The following POMK variants were observed in gnomAD, a reference collection of about 807,000 sequenced individuals.
POMK encodes the protein protein O-mannose kinase, also known as Sugen kinase 196.
POMK carries 19 observed loss-of-function variants against 23.0 expected under a neutral mutation model. The observed-to-expected ratio is 0.83, with a 90% confidence interval of 0.58 to 1.21. The LOEUF (loss-of-function observed/expected upper bound fraction) is 1.21. POMK is among the 50% of genes most tolerant of loss of function. The pLI is 0.00. For synonymous variants in POMK, 173 were observed against 171.6 expected, an observed-to-expected ratio of 1.01 and a Z score of -0.06; for missense variants, 410 against 431.3, an observed-to-expected ratio of 0.95 and a Z score of 0.44.
At chr8:43,106,748 C>A (rs956642322) in intron 4 of POMK, among the ~76,000 whole-genome samples, 3 of 152,134 alleles carry the variant, frequency 2.0e-5, no homozygotes, top group Non-Finnish European at 4.4e-5. Flanking sequence ...ATCCGCCCTC[C>A]TCGACCTCCC....
chr8:43,110,091 G>A (rs1811619822), intron 4 of POMK, among the ~76,000 whole-genome samples: 1 of 152,126 alleles, frequency 6.6e-6, no homozygotes, highest in Admixed American at 6.5e-5. Context: ...AAAACAGTCC[G>A]TTAACACTCT....
intron 4 of POMK, among the ~76,000 whole-genome samples, chr8:43,107,176 T>A (rs550897049): frequency 6.6e-6 from 1 of 152,062 alleles, no homozygotes; most frequent in Non-Finnish European, 1.5e-5. Flanking sequence ...TGGGGACTTA[T>A]AGTCCACAAA....
At chr8:43,101,581 G>T (rs532990417) in intron 2 of POMK, among the ~76,000 whole-genome samples, 8 of 152,280 alleles carry the variant, frequency 5.3e-5, no homozygotes, top group African/African-American at 1.9e-4. Context: ...CTCTTTCCTT[G>T]GAGACTACCA....
chr8:43,094,267 C>G (rs550693197), intron 1 of POMK, among the ~76,000 whole-genome samples: 1 of 152,094 alleles, frequency 6.6e-6, no homozygotes, highest in African/African-American at 2.4e-5. Context: ...GAACGCCTGA[C>G]CTCAGGTGAT....
chr8:43,114,292 A>T (rs1048065368), intron 4 of POMK, among the ~76,000 whole-genome samples: 1 of 152,080 alleles, frequency 6.6e-6, no homozygotes, highest in Non-Finnish European at 1.5e-5. Flanking sequence ...TGCTTTGTTT[A>T]CCTAAGCAAG....
intron 4 of POMK, among the ~76,000 whole-genome samples, chr8:43,116,053 C>T (rs899016789): frequency 6.6e-6 from 1 of 152,240 alleles, no homozygotes; most frequent in African/African-American, 2.4e-5. Context: ...TCCTTCAACC[C>T]CGTTTAAAAT....
At chr8:43,115,059 T>C (rs1460034384) in intron 4 of POMK, among the ~76,000 whole-genome samples, 1 of 152,236 alleles carries the variant, frequency 6.6e-6, no homozygotes, top group African/African-American at 2.4e-5. Flanking sequence ...TCTTAAATTA[T>C]TTTGTAGCTC....
intron 1 of POMK, among the ~76,000 whole-genome samples, chr8:43,096,083 C>G (rs1205857591): frequency 6.6e-6 from 1 of 152,168 alleles, no homozygotes; most frequent in Non-Finnish European, 1.5e-5. Context: ...TGCGTCTTTG[C>G]CGAGTACCCG....
chr8:43,107,467 C>T (rs1010620326), intron 4 of POMK, among the ~76,000 whole-genome samples: 5 of 152,040 alleles, frequency 3.3e-5, no homozygotes, highest in Admixed American at 2.0e-4. Context: ...CTCCGCCTCC[C>T]GGGTTCAAGC....
chr8:43,104,428 A>G (rs541255578), intron 4 of POMK, among the ~76,000 whole-genome samples: 9 of 151,328 alleles, frequency 5.9e-5, no homozygotes, highest in Middle Eastern at 3.4e-3. Flanking sequence ...AAAAAAGTCA[A>G]ATGCATAAAA....
intron 1 of POMK, among the ~76,000 whole-genome samples, chr8:43,093,777 A>G (rs1336229229): frequency 6.6e-6 from 1 of 152,220 alleles, no homozygotes; most frequent in Non-Finnish European, 1.5e-5. Flanking sequence ...CCTGCGCGGT[A>G]GCGGGACGTT....
rs192532871 is a variant in POMK at position 43,101,752 on chromosome 8, C to T, written c.-117-753C>T. 4.5e-4 allele frequency among the ~76,000 whole-genome samples: 69 copies of T among 152,272 alleles called. 2 individuals carry two copies. Among genetic ancestry groups the T allele is most frequent in the Non-Finnish European group, 1.5e-5 (1 of 68,020 alleles). On this transcript the variant is annotated intron_variant, in intron 2 of 4. Coordinates refer to ENST00000331373, the MANE Select transcript of POMK (RefSeq NM_032237.5). ...GATAAGACTTCAAACTGCAAAATTTCTGGTAGTCTGTGATTGTAGAGAACA... is the reference window on the plus strand; with the variant it reads ...GATAAGACTTCAAACTGCAAAATTTTTGGTAGTCTGTGATTGTAGAGAACA...
chr8:43,104,669 G>C (rs1811511907), intron 4 of POMK, among the ~76,000 whole-genome samples: 1 of 152,172 alleles, frequency 6.6e-6, no homozygotes, highest in Non-Finnish European at 1.5e-5. Flanking sequence ...AAATGGTCAG[G>C]CGCAGTGTCT....
chr8:43,114,127 G>A (rs1447180282), intron 4 of POMK, among the ~76,000 whole-genome samples: 4 of 152,216 alleles, frequency 2.6e-5, no homozygotes, highest in African/African-American at 7.2e-5. Context: ...GAGAACCACT[G>A]CTCTCTTCAA....
At chr8:43,104,576 A>T (rs1811510140) in intron 4 of POMK, among the ~76,000 whole-genome samples, 1 of 152,194 alleles carries the variant, frequency 6.6e-6, no homozygotes, top group South Asian at 2.1e-4. Context: ...AAACCTTATG[A>T]TGATAAGTGA....
At chr8:43,097,670 G>A (rs1365470071) in intron 2 of POMK, 55 bp downstream of exon 2, 1 of 152,242 alleles carries the variant, frequency 6.6e-6, no homozygotes, top group African/African-American at 2.4e-5. Flanking sequence ...CAGCAAGGAA[G>A]GAGATATGCA....
chr8:43,094,395 A>G lies in POMK; in HGVS notation c.-210+832A>G, dbSNP rs57434397. Among the ~76,000 whole-genome samples, 748 of 152,296 alleles carry G rather than the reference A, an allele frequency of 4.9e-3. 7 individuals are homozygous for G. Among genetic ancestry groups the G allele is most frequent in the African/African-American group, 0.017 (719 of 41,558 alleles). On this transcript the variant is annotated intron_variant, in intron 1 of 4. Transcript: ENST00000331373. ...ACCAAACCAAAACAAAACAAAAAACAAAAAAACCAGAAAGGACCGAGGACT... is the reference window on the plus strand; with the variant it reads ...ACCAAACCAAAACAAAACAAAAAACGAAAAAACCAGAAAGGACCGAGGACT...
At chr8:43,112,933 A>T (rs1186922886) in intron 4 of POMK, among the ~76,000 whole-genome samples, 1 of 152,260 alleles carries the variant, frequency 6.6e-6, no homozygotes, top group Admixed American at 6.5e-5. Flanking sequence ...ATGGAAAGGA[A>T]CAACCGGTAC....
chr8:43,121,896 C>T (rs1811923422), intron 4 of POMK, among the ~76,000 whole-genome samples: 1 of 152,254 alleles, frequency 6.6e-6, no homozygotes, highest in Non-Finnish European at 1.5e-5. Flanking sequence ...GAGGTTCCAC[C>T]CACTAATGTG....
Sources: gnomAD v4.1 joint callset for allele counts (sites outside exome capture counted in the v4.1 genomes callset) on GRCh38, gnomAD v4.1.1 for gene constraint, MANE v1.5 for transcripts, NCBI Gene and HGNC (gene_info 2026-07-23, HGNC 2026-07-21) for gene names.